Variants in BCL2 observed in about 807,000 individuals in gnomAD.
BCL2 encodes BCL2 apoptosis regulator, also known as apoptosis regulator Bcl-2.
A neutral mutation model predicts 14.2 loss-of-function variants in BCL2; 1 was observed. The observed-to-expected ratio is 0.07, with a 90% CI of 0.02 to 0.33. The LOEUF (loss-of-function observed/expected upper bound fraction) is 0.33, where lower values mean the gene tolerates loss of function less well. Ranked by LOEUF, BCL2 falls within the 10% of genes least tolerant of loss-of-function variation. The pLI, the probability that BCL2 is intolerant of heterozygous loss-of-function variation, is 0.99. For missense variants in BCL2, 247 were observed against 305.9 expected, an observed-to-expected ratio of 0.81 and a Z score of 1.44; for synonymous variants, 151 against 137.2, an observed-to-expected ratio of 1.10 and a Z score of -0.70.
Position 63,318,938 on chromosome 18 carries a change from A to G in BCL2, c.-272T>C, listed in dbSNP as rs1913605245. The G allele has an allele frequency of 7.4e-7, 1 of 1,346,536 alleles. No individual in the cohort carries two copies. Among genetic ancestry groups the G allele is most frequent in the Non-Finnish European group, 9.6e-7 (1 of 1,043,156 alleles). 83.4% of individuals were successfully genotyped at this position (1,346,536 alleles called of 1,614,324 possible). On this transcript the variant is annotated 5_prime_UTR_variant, in exon 2 of 3. It removes the in-frame stop codon of an upstream open reading frame in the 5' UTR. Coordinates refer to ENST00000333681, the MANE Select transcript of BCL2 (RefSeq NM_000633.3). This position sits in a 1 kb window ranked among gnomAD's most constrained non-coding sequence, Gnocchi z 7.4. The stretch of plus-strand genomic sequence containing the variant: ...TAGTAAGTATTGTTAATATCAGTCT[A>G]CTTCCTCTGTGATGCTGAAAGGTTA...
intron 2 of BCL2, among the ~76,000 whole-genome samples, chr18:63,255,572 ATAAGAGATGTGGT>A (rs1303155812): frequency 6.6e-6 from 1 of 152,202 alleles, no homozygotes; most frequent in African/African-American, 2.4e-5. Context: ...ATTAGCCAGG[ATAAGAGATGTGGT>A]TTGAAAGAGC....
At chr18:63,256,755 A>T (rs1911489174) in intron 2 of BCL2, among the ~76,000 whole-genome samples, 1 of 152,116 alleles carries the variant, frequency 6.6e-6, no homozygotes, top group Admixed American at 6.5e-5. Context: ...CTCCCACTTC[A>T]CACAAAGCCT....
At chr18:63,248,491 A>G (rs1187059328) in intron 2 of BCL2, among the ~76,000 whole-genome samples, 2 of 152,216 alleles carry the variant, frequency 1.3e-5, no homozygotes. Flanking sequence ...AACGAAGTCC[A>G]AAGAGTCCAT....
chr18:63,232,966 T>A (rs1910727255), intron 2 of BCL2, among the ~76,000 whole-genome samples: 1 of 152,238 alleles, frequency 6.6e-6, no homozygotes. Context: ...CTGGGTGACT[T>A]ATGTAACATT....
chr18:63,185,742 C>T (rs916712736), intron 2 of BCL2, among the ~76,000 whole-genome samples: 2 of 152,178 alleles, frequency 1.3e-5, no homozygotes, highest in Non-Finnish European at 2.9e-5. Context: ...CTATCCTTAA[C>T]CCCACTTACT....
intron 2 of BCL2, among the ~76,000 whole-genome samples, chr18:63,179,399 C>T (rs1301735784): frequency 6.6e-6 from 1 of 152,198 alleles, no homozygotes; most frequent in Non-Finnish European, 1.5e-5. Context: ...CCGAAAAGGC[C>T]ATCCTGAGTC....
chr18:63,179,684 ATCT>A (rs1261520872), intron 2 of BCL2, among the ~76,000 whole-genome samples: 1 of 152,172 alleles, frequency 6.6e-6, no homozygotes, highest in Non-Finnish European at 1.5e-5. Flanking sequence ...CCCAGCCTGA[ATCT>A]TACCTGTGGT....
intron 2 of BCL2, among the ~76,000 whole-genome samples, chr18:63,249,101 C>T (rs1015746601): frequency 2.6e-5 from 4 of 152,164 alleles, no homozygotes; most frequent in Non-Finnish European, 4.4e-5. Flanking sequence ...GGAAAGAAAC[C>T]TGGTGAAGTT....
At chr18:63,254,661 A>T (rs1453904791) in intron 2 of BCL2, among the ~76,000 whole-genome samples, 1 of 152,174 alleles carries the variant, frequency 6.6e-6, no homozygotes, top group Non-Finnish European at 1.5e-5. Flanking sequence ...TGAAACATCC[A>T]TATGTTTGTG....
intron 2 of BCL2, among the ~76,000 whole-genome samples, chr18:63,278,245 C>T (rs1418197685): frequency 6.6e-6 from 1 of 152,020 alleles, no homozygotes; most frequent in Admixed American, 6.6e-5. Flanking sequence ...CTAAAAGTCA[C>T]CTGGAAGCCC....
At chr18:63,177,775 A>G (rs975262507) in intron 2 of BCL2, among the ~76,000 whole-genome samples, 3 of 152,138 alleles carry the variant, frequency 2.0e-5, no homozygotes, top group Non-Finnish European at 4.4e-5. Context: ...AGGGGCGGAG[A>G]TAGGGGGTAG....
intron 2 of BCL2, among the ~76,000 whole-genome samples, chr18:63,274,378 G>A (rs926787178): frequency 1.3e-5 from 2 of 149,224 alleles, no homozygotes; most frequent in African/African-American, 5.0e-5. Context: ...CTCCTCTTGG[G>A]TTCAAGTGAT....
At position 63,212,199 on chromosome 18, in the gene BCL2, G is replaced by A. The variant is rs186658054; in HGVS notation, c.586-83440C>T. Among the ~76,000 whole-genome samples the A allele has an allele frequency of 2.5e-3, 376 of 151,294 alleles. 6 individuals are homozygous for A. Among genetic ancestry groups the A allele is most frequent in the African/African-American group, 2.1e-3 (85 of 41,378 alleles). On this transcript the variant is annotated intron_variant, in intron 2 of 2. Transcript: ENST00000333681. ...AAATTAGCTGGGCGTGGTGGCGGGC[G>A]CCTGTAGTCCCAGCTACTCGGGAGG...
chr18:63,258,644 G>A (rs1053118207), intron 2 of BCL2, among the ~76,000 whole-genome samples: 2 of 152,210 alleles, frequency 1.3e-5, no homozygotes, highest in African/African-American at 4.8e-5. Context: ...CTCTGGCGTT[G>A]CCCTCCGGTC....
intron 2 of BCL2, chr18:63,315,375 ATTTGT>A (rs1913462761): frequency 2.0e-5 from 3 of 152,190 alleles, no homozygotes; most frequent in Non-Finnish European, 2.9e-5. Context: ...TCTTTATTTA[ATTTGT>A]AGTCTTCTGG....
At chr18:63,191,449 T>A (rs1909290143) in intron 2 of BCL2, among the ~76,000 whole-genome samples, 1 of 152,252 alleles carries the variant, frequency 6.6e-6, no homozygotes, top group Non-Finnish European at 1.5e-5. Context: ...CATCTTCAAC[T>A]GAATTCCACT....
chr18:63,141,010 G>A (rs1474277574), intron 2 of BCL2, among the ~76,000 whole-genome samples: 1 of 152,198 alleles, frequency 6.6e-6, no homozygotes, highest in Non-Finnish European at 1.5e-5. Flanking sequence ...ACTGTAGTAG[G>A]AGGTGGCATG....
At chr18:63,174,970 A>G (rs1915320108) in intron 2 of BCL2, among the ~76,000 whole-genome samples, 1 of 152,144 alleles carries the variant, frequency 6.6e-6, no homozygotes, top group South Asian at 2.1e-4. Context: ...TTCACCTAAG[A>G]TGCCACACTG....
intron 2 of BCL2, among the ~76,000 whole-genome samples, chr18:63,227,298 G>A (rs900447448): frequency 1.3e-5 from 2 of 152,188 alleles, no homozygotes; most frequent in African/African-American, 2.4e-5. Flanking sequence ...AATCCTTAAT[G>A]AAATAGCTAT....
Sources: gnomAD v4.1 joint callset for allele counts (sites outside exome capture counted in the v4.1 genomes callset) on GRCh38, gnomAD v4.1.1 for gene constraint, Gnocchi (gnomAD v3.1) non-coding constraint, MANE v1.5 for transcripts, NCBI Gene and HGNC (gene_info 2026-07-23, HGNC 2026-07-21) for gene names.